Variants in FARP1 observed in about 807,000 individuals in gnomAD.
FARP1 encodes the protein FERM, ARHGEF and pleckstrin domain-containing protein 1.
Under a neutral mutation model 128.8 loss-of-function variants are expected in FARP1, and 52 were observed. That is an observed-to-expected ratio of 0.40 (90% CI 0.32 to 0.51). FARP1 has a LOEUF of 0.51. FARP1 is among the 20% of genes least tolerant of loss of function. The probability of loss-of-function intolerance (pLI) is 0.45; values close to 1 mark genes in which losing one functional copy is unlikely to be tolerated. For synonymous variants in FARP1, 580 were observed against 551.8 expected, an observed-to-expected ratio of 1.05 and a Z score of -0.72; for missense variants, 1,333 against 1,367.9, an observed-to-expected ratio of 0.97 and a Z score of 0.40.
chr13:98,153,131 A>G (rs1876137136), intron 1 of FARP1, among the ~76,000 whole-genome samples: 1 of 151,442 alleles, frequency 6.6e-6, no homozygotes, highest in South Asian at 2.1e-4. Context: ...CTCTAACATC[A>G]GGTGCTAGCA....
At chr13:98,443,085 C>G (rs1892595251) in intron 24 of FARP1, among the ~76,000 whole-genome samples, 2 of 152,232 alleles carry the variant, frequency 1.3e-5, no homozygotes, top group Admixed American at 1.3e-4. Flanking sequence ...CACGCTGGCC[C>G]CCAGCCAGAT....
chr13:98,338,620 G>T (rs1363941540), intron 2 of FARP1: 1 of 152,192 alleles, frequency 6.6e-6, no homozygotes, highest in Non-Finnish European at 1.5e-5. Context: ...ATTCTTCTGT[G>T]AACGTGGATT....
chr13:98,211,820 A>C (rs1482251778), intron 1 of FARP1, among the ~76,000 whole-genome samples: 1 of 152,248 alleles, frequency 6.6e-6, no homozygotes, highest in Non-Finnish European at 1.5e-5. Flanking sequence ...GCCACATATA[A>C]ATATACTGGC....
chr13:98,267,818 T>A (rs1233642255), intron 2 of FARP1, among the ~76,000 whole-genome samples: 1 of 46,782 alleles, frequency 2.1e-5, no homozygotes, highest in East Asian at 4.4e-4. Context: ...CTGACTGCTG[T>A]CTACTCACTT....
At chr13:98,302,867 T>G (rs574992635) in intron 2 of FARP1, among the ~76,000 whole-genome samples, 1 of 151,962 alleles carries the variant, frequency 6.6e-6, no homozygotes, top group Admixed American at 6.6e-5. Flanking sequence ...ATAAGCCCAT[T>G]TGGGCAAGAG....
At chr13:98,160,904 C>T (rs1876835451) in intron 1 of FARP1, among the ~76,000 whole-genome samples, 1 of 152,058 alleles carries the variant, frequency 6.6e-6, no homozygotes, top group African/African-American at 2.4e-5. Context: ...GTCTCGAACT[C>T]CTGACCTCAG....
intron 13 of FARP1, chr13:98,401,615 A>G (rs953502294): frequency 6.6e-6 from 1 of 151,742 alleles, no homozygotes; most frequent in African/African-American, 2.4e-5. Flanking sequence ...TTATTGTGCC[A>G]TATGTGTGTT....
intron 2 of FARP1, among the ~76,000 whole-genome samples, chr13:98,274,242 T>G (rs1463125274): frequency 7.2e-6 from 1 of 139,832 alleles, no homozygotes; most frequent in Non-Finnish European, 1.5e-5. Context: ...GCACGAGATA[T>G]CCCCAGGTTA....
At chr13:98,400,398 C>T (rs75805548) in intron 13 of FARP1, 1 of 152,322 alleles carries the variant, frequency 6.6e-6, no homozygotes, top group African/African-American at 2.4e-5. Flanking sequence ...TTGAAACTGC[C>T]ATGAGTGTGC....
chr13:98,331,816 G>C (rs1024442435), intron 2 of FARP1: 1 of 152,192 alleles, frequency 6.6e-6, no homozygotes, highest in South Asian at 2.1e-4. Flanking sequence ...AAGTGTTGAC[G>C]TGATGAGCCT....
intron 2 of FARP1, among the ~76,000 whole-genome samples, chr13:98,317,915 C>A (rs180816172): frequency 3.9e-4 from 59 of 150,690 alleles, no homozygotes; most frequent in African/African-American, 1.4e-3. Context: ...TCCTTTCCTT[C>A]CTTCCTCTCT....
At chr13:98,314,640 A>G (rs1370002703) in intron 2 of FARP1, among the ~76,000 whole-genome samples, 2 of 152,162 alleles carry the variant, frequency 1.3e-5, no homozygotes, top group African/African-American at 2.4e-5. Context: ...AGGTGGGGAA[A>G]TGTTTGTGGT....
chr13:98,433,190 G>A (rs1328119345), intron 18 of FARP1: 1 of 152,238 alleles, frequency 6.6e-6, no homozygotes, highest in African/African-American at 2.4e-5. Context: ...ACCCCGCAAA[G>A]CCGTAACCTA....
intron 2 of FARP1, among the ~76,000 whole-genome samples, chr13:98,309,756 G>A (rs1327614202): frequency 6.6e-6 from 1 of 152,212 alleles, no homozygotes; most frequent in African/African-American, 2.4e-5. Context: ...TAGGTGATGC[G>A]GAACTGTGCC....
intron 6 of FARP1, chr13:98,381,450 T>G (rs1246475437): frequency 6.6e-6 from 1 of 152,218 alleles, no homozygotes; most frequent in African/African-American, 2.4e-5. Flanking sequence ...CATAGAGTCT[T>G]TAAGATAGTC....
intron 2 of FARP1, among the ~76,000 whole-genome samples, chr13:98,290,222 AGGT>A (rs1317223071): frequency 6.6e-6 from 1 of 152,080 alleles, no homozygotes; most frequent in Non-Finnish European, 1.5e-5. Context: ...ATCATATGCC[AGGT>A]GGTACTAAGT....
chr13:98,386,593 G>A (rs547288020), intron 8 of FARP1, among the ~76,000 whole-genome samples: 32 of 152,212 alleles, frequency 2.1e-4, no homozygotes, highest in Non-Finnish European at 2.2e-4. Flanking sequence ...CAGAATGAAC[G>A]TATTCATCAC....
chr13:98,146,262 CTT>C (rs1156808005), intron 1 of FARP1, among the ~76,000 whole-genome samples: 2 of 151,496 alleles, frequency 1.3e-5, no homozygotes, highest in Non-Finnish European at 1.5e-5. Context: ...GAGTTTTGCT[CTT>C]GTTTCCCAGG....
At chr13:98,356,067 T>C (rs2139928539) in intron 3 of FARP1, among the ~76,000 whole-genome samples, 1 of 152,348 alleles carries the variant, frequency 6.6e-6, no homozygotes, top group East Asian at 1.9e-4. Context: ...TGGAAAAGAC[T>C]GTATGTTCTG....
Sources: gnomAD v4.1 joint callset for allele counts (sites outside exome capture counted in the v4.1 genomes callset) on GRCh38, gnomAD v4.1.1 for gene constraint, MANE v1.5 for transcripts, NCBI Gene and HGNC (gene_info 2026-07-23, HGNC 2026-07-21) for gene names.